The following OPCML variants were observed in gnomAD, a reference collection of about 807,000 sequenced individuals.
OPCML encodes opioid-binding protein/cell adhesion molecule.
OPCML carries 13 observed loss-of-function variants against 37.8 expected under a neutral mutation model. The ratio of observed to expected loss-of-function variants is 0.34; its 90% CI spans 0.22 to 0.55. The LOEUF (loss-of-function observed/expected upper bound fraction) is 0.55, where lower values mean the gene tolerates loss of function less well. Among genes scored for constraint, OPCML ranks in the 20% least tolerant of loss-of-function variants. The pLI is 0.91. For synonymous variants in OPCML, 176 were observed against 168.8 expected (o/e 1.04, Z -0.33); for missense variants, 341 against 435.6 (o/e 0.78, Z 1.93).
intron 4 of OPCML, among the ~76,000 whole-genome samples, chr11:132,443,174 C>A (rs2096042371): frequency 6.6e-6 from 1 of 152,164 alleles, no homozygotes; most frequent in Non-Finnish European, 1.5e-5. Flanking sequence ...CAGGAGGTAA[C>A]ACAGAGAGCA....
At chr11:133,035,436 T>G (rs1947760084) in intron 1 of OPCML, among the ~76,000 whole-genome samples, 1 of 152,036 alleles carries the variant, frequency 6.6e-6, no homozygotes, top group African/African-American at 2.4e-5. Flanking sequence ...GAGAGGAAAA[T>G]GGACATCAAG....
chr11:132,833,781 T>C (rs1186756358), intron 2 of OPCML, among the ~76,000 whole-genome samples: 1 of 152,194 alleles, frequency 6.6e-6, no homozygotes, highest in African/African-American at 2.4e-5. Context: ...GGGACCACCA[T>C]TGTATATATG....
At chr11:133,392,547 C>A (rs1945194518) in intron 1 of OPCML, among the ~76,000 whole-genome samples, 1 of 152,214 alleles carries the variant, frequency 6.6e-6, no homozygotes, top group Admixed American at 6.5e-5. Flanking sequence ...CTGTCCTCCA[C>A]ACGTGTGCTT....
rs147168577 is a variant in OPCML at position 133,394,075 on chromosome 11, G to C, written c.61+138189C>G. Among the ~76,000 whole-genome samples, 1,027 of 152,208 alleles carry C rather than the reference G, an allele frequency of 6.7e-3. 13 individuals are homozygous for C. Among genetic ancestry groups the C allele is most frequent in the African/African-American group, 0.024 (998 of 41,530 alleles). On this transcript the variant is annotated intron_variant, in intron 1 of 7. Coordinates refer to ENST00000524381, the MANE Select transcript of OPCML (RefSeq NM_001012393.5). ...CCCCTCATATGCAACATGTCCTGTT[G>C]ACTTTCCTCTGCCCCATGCTTAATC...
At chr11:133,386,990 C>T (rs1023406264) in intron 1 of OPCML, among the ~76,000 whole-genome samples, 5 of 152,180 alleles carry the variant, frequency 3.3e-5, no homozygotes, top group East Asian at 1.9e-4. Flanking sequence ...GCACTAAGGA[C>T]GATGACAGCA....
chr11:132,622,542 C>G (rs1289433536), intron 3 of OPCML, among the ~76,000 whole-genome samples: 1 of 152,132 alleles, frequency 6.6e-6, no homozygotes, highest in African/African-American at 2.4e-5. Context: ...GTTTTCACGC[C>G]AGTGGGAGTC....
At chr11:132,982,025 T>G (rs983985317) in intron 1 of OPCML, among the ~76,000 whole-genome samples, 2 of 152,192 alleles carry the variant, frequency 1.3e-5, no homozygotes, top group Non-Finnish European at 2.9e-5. Flanking sequence ...CTCTTTCCAA[T>G]GCATAATGTT....
intron 2 of OPCML, among the ~76,000 whole-genome samples, chr11:132,903,105 T>A (rs1944119692): frequency 6.6e-6 from 1 of 152,220 alleles, no homozygotes; most frequent in African/African-American, 2.4e-5. Flanking sequence ...CTCAACTATC[T>A]GGCCCTTCTT....
At chr11:133,004,774 A>G in intron 1 of OPCML, 1 of 985,136 alleles carries the variant, frequency 1.0e-6, no homozygotes. Context: ...CAGAAGCGAG[A>G]TCACACTGCC....
intron 4 of OPCML, among the ~76,000 whole-genome samples, chr11:132,445,124 G>A (rs1260515247): frequency 6.6e-6 from 1 of 152,206 alleles, no homozygotes; most frequent in African/African-American, 2.4e-5. Flanking sequence ...CATGCTGGCT[G>A]CCTTCCCTGA....
At chr11:132,715,455 T>C (rs899426317) in intron 2 of OPCML, among the ~76,000 whole-genome samples, 2 of 152,330 alleles carry the variant, frequency 1.3e-5, no homozygotes, top group Middle Eastern at 3.4e-3. Context: ...TTGAACAATG[T>C]ATGCATCCAC....
intron 1 of OPCML, among the ~76,000 whole-genome samples, chr11:133,491,153 T>C (rs959070700): frequency 6.6e-6 from 1 of 152,182 alleles, no homozygotes; most frequent in Non-Finnish European, 1.5e-5. Flanking sequence ...CAGTGTCGGA[T>C]GATGCCCAGG....
intron 3 of OPCML, among the ~76,000 whole-genome samples, chr11:132,588,609 GC>G (rs1299509842): frequency 1.3e-5 from 2 of 152,140 alleles, no homozygotes; most frequent in Non-Finnish European, 2.9e-5. Flanking sequence ...CTGCCCCTTG[GC>G]TGCCAGGAAT....
chr11:132,840,905 G>A (rs1268581004), intron 2 of OPCML, among the ~76,000 whole-genome samples: 2 of 152,022 alleles, frequency 1.3e-5, no homozygotes, highest in Admixed American at 1.3e-4. Context: ...GGAAGCAGAT[G>A]CGGCAAAAAG....
At chr11:132,833,128 T>A (rs2136283172) in intron 2 of OPCML, among the ~76,000 whole-genome samples, 1 of 140,206 alleles carries the variant, frequency 7.1e-6, no homozygotes, top group East Asian at 1.9e-4. Flanking sequence ...CTTCGCATTA[T>A]GTAACTTTTA....
intron 2 of OPCML, among the ~76,000 whole-genome samples, chr11:132,939,961 A>ATC (rs1565355142): frequency 6.6e-6 from 1 of 152,236 alleles, no homozygotes; most frequent in African/African-American, 2.4e-5. Context: ...TTTCCATATC[A>ATC]TCTCTCTTCC....
At chr11:132,790,721 T>C (rs1937849375) in intron 2 of OPCML, among the ~76,000 whole-genome samples, 1 of 152,182 alleles carries the variant, frequency 6.6e-6, no homozygotes, top group South Asian at 2.1e-4. Flanking sequence ...GAAAGGTCTG[T>C]TTCCATCTCT....
intron 1 of OPCML, among the ~76,000 whole-genome samples, chr11:133,439,931 G>T (rs533789246): frequency 6.6e-6 from 1 of 152,056 alleles, no homozygotes; most frequent in Non-Finnish European, 1.5e-5. Flanking sequence ...TATCCAGAAC[G>T]CCATTAATGT....
intron 1 of OPCML, among the ~76,000 whole-genome samples, chr11:132,999,575 G>GA (rs1463938701): frequency 1.3e-5 from 2 of 150,346 alleles, no homozygotes; most frequent in African/African-American, 5.0e-5. Context: ...GGGTCGGGGG[G>GA]GGAATGCCAC....
Sources: allele counts gnomAD v4.1 joint callset (sites outside exome capture counted in the v4.1 genomes callset), GRCh38; gene constraint gnomAD v4.1.1; transcripts MANE v1.5; gene names NCBI Gene and HGNC (gene_info 2026-07-23, HGNC 2026-07-21).